The following SAP130 variants were observed in gnomAD, a reference collection of about 807,000 sequenced individuals.
The protein encoded by SAP130 is histone deacetylase complex subunit SAP130.
SAP130 carries 16 observed loss-of-function variants against 103.2 expected under a neutral mutation model. The ratio of observed to expected loss-of-function variants is 0.16; its 90% CI spans 0.10 to 0.24. The LOEUF (loss-of-function observed/expected upper bound fraction) is 0.24. Among genes scored for constraint, SAP130 ranks in the 10% least tolerant of loss-of-function variants. The pLI, the probability that SAP130 is intolerant of heterozygous loss-of-function variation, is 1.00. For synonymous variants in SAP130, 477 were observed against 497.0 expected, an observed-to-expected ratio of 0.96 and a Z score of 0.53; for missense variants, 990 against 1,359.7, an observed-to-expected ratio of 0.73 and a Z score of 4.28.
Position 127,989,192 on chromosome 2 carries a change from C to T in SAP130, c.1780+372G>A, listed in dbSNP as rs983425105. On this transcript the variant is annotated intron_variant, in intron 13 of 20. Coordinates refer to ENST00000643581, the MANE Select transcript of SAP130 (RefSeq NM_001330301.2). This position sits in a 1 kb window ranked among gnomAD's most constrained non-coding sequence, Gnocchi z 4.6. ...CGGCTCACTGCAAGCTCCACATCCC[C>T]AGTTCACGCCATTCTCTCGCCTCAG... 1.3e-5 allele frequency among the ~76,000 whole-genome samples: 2 copies of T among 151,836 alleles called. No individual in the cohort carries two copies. The highest frequency in any genetic ancestry group is 4.8e-5 in the African/African-American group (2 of 41,312).
chr2:128,020,558 GA>G (rs1685082794), intron 2 of SAP130, among the ~76,000 whole-genome samples: 1 of 152,178 alleles, frequency 6.6e-6, no homozygotes, highest in African/African-American at 2.4e-5. Context: ...TTACTCTTAA[GA>G]GGCACTTTAG....
chr2:127,959,019 G>A (rs75041688), intron 15 of SAP130, among the ~76,000 whole-genome samples: 12,719 of 152,124 alleles, frequency 0.084, 984 homozygotes, highest in African/African-American at 0.2. Context: ...AGAGTGAGGA[G>A]TTGTGTTTCA....
intron 7 of SAP130, among the ~76,000 whole-genome samples, chr2:128,008,502 C>CTATA (rs148816501): frequency 0.083 from 12,402 of 150,318 alleles, 960 homozygotes; most frequent in African/African-American, 0.2. Context: ...GTACCTAGGG[C>CTATA]TATAGGTACA....
Position 128,010,011 on chromosome 2 carries a change from C to T in SAP130, c.869+258G>A, listed in dbSNP as rs958995952. On this transcript the variant is annotated intron_variant, in intron 7 of 20. Transcript: ENST00000643581. ...CCTGTCACTCCCAATCCCTTTTACC[C>T]TTATTTTTTTCCAAAGCACTTTTCA... Among the ~76,000 whole-genome samples, 8 of 152,280 alleles carry T rather than the reference C, an allele frequency of 5.3e-5. No individual in the cohort carries two copies. In the East Asian group the frequency reaches 1.5e-3, roughly 29 times the overall value.
At chr2:128,025,807 T>C (rs1685462812) in intron 2 of SAP130, among the ~76,000 whole-genome samples, 1 of 152,218 alleles carries the variant, frequency 6.6e-6, no homozygotes, top group Non-Finnish European at 1.5e-5. Flanking sequence ...CGCATATCCT[T>C]TGTTTTCCAC....
At chr2:128,024,570 T>C (rs1685370811) in intron 2 of SAP130, among the ~76,000 whole-genome samples, 1 of 151,568 alleles carries the variant, frequency 6.6e-6, no homozygotes, top group Non-Finnish European at 1.5e-5. Context: ...TAAAATTAGC[T>C]GAACATGTGG....
At chr2:127,976,773 G>T (rs1178123214) in intron 15 of SAP130, among the ~76,000 whole-genome samples, 1 of 152,146 alleles carries the variant, frequency 6.6e-6, no homozygotes, top group Non-Finnish European at 1.5e-5. Flanking sequence ...AGCTGGGTGT[G>T]GTAGCACGCT....
chr2:127,961,858 T>C (rs1680280221), intron 15 of SAP130, among the ~76,000 whole-genome samples: 1 of 151,462 alleles, frequency 6.6e-6, no homozygotes, highest in African/African-American at 2.4e-5. Flanking sequence ...ACTATGGGGG[T>C]GGGAGGAGGT....
At chr2:128,011,944 C>G (rs1684426149) in intron 6 of SAP130, among the ~76,000 whole-genome samples, 1 of 152,160 alleles carries the variant, frequency 6.6e-6, no homozygotes, top group Non-Finnish European at 1.5e-5. Context: ...TCCCAGGTAG[C>G]TGGGATTACA....
chr2:127,942,593 C>T lies in SAP130; in HGVS notation c.2902-56G>A. 1 of 1,104,702 alleles carries T rather than the reference C, an allele frequency of 9.1e-7. No individual in the cohort carries two copies. Among genetic ancestry groups the T allele is most frequent in the Admixed American group, 1.7e-5 (1 of 57,400 alleles). The allele number at this position is 1,104,702 out of a possible 1,614,324, so 68.4% of individuals were successfully genotyped here. A position where few individuals can be genotyped will look rare whatever the true frequency, so the allele number is the denominator to read the frequency against. ...GCTCGGAAATATTTTTCTATGTCAA[C>T]CCCAGGCAAATGAACCCACCTTCAA... On this transcript the variant is annotated intron_variant, in intron 19 of 20. Coordinates refer to ENST00000643581, the MANE Select transcript of SAP130 (RefSeq NM_001330301.2). This position sits in a 1 kb window ranked among gnomAD's most constrained non-coding sequence, Gnocchi z 4.8.
Position 128,001,633 on chromosome 2 carries a change from G to A in SAP130, c.870-1179C>T, listed in dbSNP as rs1683566851. 2.0e-5 allele frequency among the ~76,000 whole-genome samples: 3 copies of A among 152,050 alleles called. No individual in the cohort carries two copies. In the South Asian group the frequency reaches 6.2e-4, roughly 32 times the overall value. On this transcript the variant is annotated intron_variant, in intron 7 of 20. Transcript: ENST00000643581. ...ATACAAATACCATAGTGTTACAACT[G>A]CCTACAGTATTCAGTACAGTAACAG...
intron 15 of SAP130, among the ~76,000 whole-genome samples, chr2:127,964,004 G>C (rs1337809608): frequency 6.6e-6 from 1 of 152,186 alleles, no homozygotes; most frequent in African/African-American, 2.4e-5. Context: ...GGAATGAAAG[G>C]AGAAAACAGA....
chr2:127,991,426 A>G (rs1461223218), intron 12 of SAP130, among the ~76,000 whole-genome samples: 1 of 150,676 alleles, frequency 6.6e-6, no homozygotes, highest in Non-Finnish European at 1.5e-5. Flanking sequence ...TGCAGCCTCA[A>G]CCTCCTGGGG....
chr2:128,001,395 C>T (rs150442490), intron 7 of SAP130, among the ~76,000 whole-genome samples: 178 of 152,314 alleles, frequency 1.2e-3, no homozygotes, highest in Non-Finnish European at 1.8e-3. Context: ...CAAAGAATCA[C>T]TTCAGGTGAC....
Position 127,941,727 on chromosome 2 carries a change from C to A in SAP130, c.*279G>T. On this transcript the variant is annotated 3_prime_UTR_variant, in exon 21 of 21. Coordinates refer to ENST00000643581, the MANE Select transcript of SAP130 (RefSeq NM_001330301.2). ...AAAAACACCAGCCAGCCATCCTTGTCATTGCTTCCAACTGGTGGACACTGA... is the reference window on the plus strand; with the variant it reads ...AAAAACACCAGCCAGCCATCCTTGTAATTGCTTCCAACTGGTGGACACTGA... The A allele has an allele frequency of 2.4e-6, 1 of 421,024 alleles. No individual in the cohort carries two copies. Among genetic ancestry groups the A allele is most frequent in the Non-Finnish European group, 4.2e-6 (1 of 238,952 alleles). 26.1% of individuals were successfully genotyped at this position (421,024 alleles called of 1,614,324 possible).
Position 128,014,947 on chromosome 2 carries a change from A to G in SAP130, c.508-33T>C. 2.5e-6 allele frequency: 4 copies of G among 1,581,876 alleles called. 1 individual carries two copies. The South Asian group carries it at 3.3e-5, about 13-fold the overall frequency. On this transcript the variant is annotated intron_variant, in intron 4 of 20. Transcript: ENST00000643581. The stretch of plus-strand genomic sequence containing the variant: ...AAAGAGGATAGAACGTTATTTTTAC[A>G]TGTTTGCTCTTAGCCATTGCCTCTA...
chr2:127,964,320 C>T (rs1680477795), intron 15 of SAP130, among the ~76,000 whole-genome samples: 2 of 151,792 alleles, frequency 1.3e-5, no homozygotes, highest in South Asian at 4.2e-4. Context: ...ATGGTAAAAC[C>T]CCACCTCTAC....
Position 127,955,342 on chromosome 2 carries a change from G to A in SAP130, c.2066C>T (p.Ala689Val), listed in dbSNP as rs1679766300. ...STSGSPRPAG[A>V]KPKSEIHVSM... Reference sequence around the variant, plus strand: ...CACGTGGATTTCAGACTTGGGTTTGGCACTAAAACACAAAAGAAAAGCACA... The same window carrying A: ...CACGTGGATTTCAGACTTGGGTTTGACACTAAAACACAAAAGAAAAGCACA... Residue 689 changes from alanine (A) to valine (V), a missense_variant and splice_region_variant, in exon 16 of 21, where the codon GCC becomes GTC. Coordinates refer to ENST00000643581, the MANE Select transcript of SAP130 (RefSeq NM_001330301.2). This position sits in a 1 kb window ranked among gnomAD's most constrained non-coding sequence, Gnocchi z 4.9. 1 of 1,545,188 alleles carries A rather than the reference G, an allele frequency of 6.5e-7. No individual in the cohort carries two copies. The highest frequency in any genetic ancestry group is 1.2e-5 in the South Asian group (1 of 81,136).
intron 2 of SAP130, among the ~76,000 whole-genome samples, chr2:128,024,468 C>G (rs10197900): frequency 6.6e-6 from 1 of 152,066 alleles, no homozygotes; most frequent in African/African-American, 2.4e-5. Context: ...GATCCTAACA[C>G]TTTGGGAGGC....
Sources: allele counts gnomAD v4.1 joint callset (sites outside exome capture counted in the v4.1 genomes callset), GRCh38; gene constraint gnomAD v4.1.1; non-coding constraint Gnocchi (gnomAD v3.1); transcripts MANE v1.5; gene names NCBI Gene and HGNC (gene_info 2026-07-23, HGNC 2026-07-21).